The following MAP3K21 variants were observed in gnomAD, a reference collection of about 807,000 sequenced individuals.
MAP3K21 encodes the protein mitogen-activated protein kinase kinase kinase MLK4.
Under a neutral mutation model 86.1 loss-of-function variants are expected in MAP3K21, and 63 were observed. The observed-to-expected ratio is 0.73, with a 90% confidence interval of 0.60 to 0.90. The LOEUF is 0.90. Ranked by LOEUF, MAP3K21 falls within the 40% of genes least tolerant of loss-of-function variation. MAP3K21 has a pLI of 0.00. For missense variants in MAP3K21, 1,220 were observed against 1,367.7 expected (o/e 0.89, Z 1.70); for synonymous variants, 558 against 564.8 (o/e 0.99, Z 0.17).
Position 233,327,924 on chromosome 1 carries a change from C to T in MAP3K21, c.-105C>T. On this transcript the variant is annotated 5_prime_UTR_variant, in exon 1 of 10. Transcript: ENST00000366624. ...ACCGATCGCGATTCCTACCCCCTCG[C>T]CTTCCCCCGGCGCCGACGGCCACAC... 1 of 922,072 alleles carries T rather than the reference C, an allele frequency of 1.1e-6. No individual in the cohort carries two copies. The allele number at this position is 922,072 out of a possible 1,614,324, so 57.1% of individuals were successfully genotyped here.
chr1:233,355,234 A>G (rs575854893), intron 4 of MAP3K21, among the ~76,000 whole-genome samples: 1 of 120,306 alleles, frequency 8.3e-6, no homozygotes, highest in Non-Finnish European at 1.7e-5. Context: ...TTTTCAAAGT[A>G]AAAAAGAGAG....
intron 1 of MAP3K21, among the ~76,000 whole-genome samples, chr1:233,332,152 G>C (rs532201304): frequency 2.6e-4 from 39 of 152,210 alleles, no homozygotes; most frequent in African/African-American, 8.7e-4. Context: ...AGTCACTTCT[G>C]GGCCTCAGGG....
At chr1:233,372,182 G>A (rs367623481) in intron 6 of MAP3K21, 22 bp downstream of exon 6, 56 of 1,612,250 alleles carry the variant, frequency 3.5e-5, no homozygotes, top group South Asian at 4.4e-5. Context: ...GCACTGCCAC[G>A]GGGGCTCCTG....
intron 1 of MAP3K21, among the ~76,000 whole-genome samples, chr1:233,336,136 G>T (rs1662906993): frequency 6.6e-6 from 1 of 152,044 alleles, no homozygotes; most frequent in African/African-American, 2.4e-5. Flanking sequence ...CCTCATTTTT[G>T]GATATTCTGC....
Position 233,328,152 on chromosome 1 carries a change from C to G in MAP3K21, c.124C>G (p.Leu42Val). The G allele has an allele frequency of 6.9e-7, 1 of 1,450,936 alleles. No homozygotes were observed. Among genetic ancestry groups the G allele is most frequent in the South Asian group, 1.4e-5 (1 of 74,060 alleles). 89.9% of individuals were successfully genotyped at this position (1,450,936 alleles called of 1,614,324 possible). The change falls in exon 1 of 10, where the codon CTG becomes GTG. Residue 42 changes from leucine (L) to valine (V), a missense_variant. Coordinates refer to ENST00000366624, the MANE Select transcript of MAP3K21 (RefSeq NM_032435.3). This position sits in a 1 kb window ranked among gnomAD's most constrained non-coding sequence, Gnocchi z 8.7. ...CGGCTCGGCCTCGGCGGGCGCGGGGCTGTGGGCCGCGCTCTATGACTACGA... is the reference window on the plus strand; with the variant it reads ...CGGCTCGGCCTCGGCGGGCGCGGGGGTGTGGGCCGCGCTCTATGACTACGA... The part of the protein sequence containing the change: ...SGGSASAGAG[L>V]WAALYDYEAR...
At chr1:233,347,675 A>C (rs1663173597) in intron 2 of MAP3K21, among the ~76,000 whole-genome samples, 1 of 152,210 alleles carries the variant, frequency 6.6e-6, no homozygotes, top group African/African-American at 2.4e-5. Context: ...TAGGAGCTTA[A>C]CATTGGGTAC....
chr1:233,374,463 C>T (rs767271684), intron 6 of MAP3K21, among the ~76,000 whole-genome samples: 108 of 152,088 alleles, frequency 7.1e-4, no homozygotes, highest in African/African-American at 1.4e-3. Flanking sequence ...CGTGAGCCAT[C>T]GCACCCGGCC....
chr1:233,359,589 A>G (rs1008631636), intron 4 of MAP3K21, among the ~76,000 whole-genome samples: 3 of 152,066 alleles, frequency 2.0e-5, no homozygotes, highest in African/African-American at 7.2e-5. Flanking sequence ...CTCCGTAGAT[A>G]CTGGGTCCTC....
rs767923179 is a variant in MAP3K21, at chr1:233,372,120, G to A, written c.1635G>A (p.Pro545=). Residue 545 remains proline, a synonymous_variant, in exon 6 of 10, where the codon CCG becomes CCA. Coordinates refer to ENST00000366624, the MANE Select transcript of MAP3K21 (RefSeq NM_032435.3). ...RSLNSSSSSP[P]SSPTMMPRLR... ...TGAACAGCAGCAGTTCCAGTCCCCC[G>A]AGCAGCCCCACAATGATGCCCCGAC... The A allele has an allele frequency of 1.5e-5, 25 of 1,613,976 alleles. No individual in the cohort carries two copies. Among genetic ancestry groups the A allele is most frequent in the African/African-American group, 4.0e-5 (3 of 74,910 alleles).
chr1:233,352,744 T>C (rs1663273262), intron 2 of MAP3K21, among the ~76,000 whole-genome samples: 1 of 152,202 alleles, frequency 6.6e-6, no homozygotes, highest in Non-Finnish European at 1.5e-5. Flanking sequence ...TTGTGTCTTT[T>C]GACAAGACAG....
At chr1:233,337,491 A>G (rs1225962090) in intron 1 of MAP3K21, among the ~76,000 whole-genome samples, 1 of 152,220 alleles carries the variant, frequency 6.6e-6, no homozygotes, top group Non-Finnish European at 1.5e-5. Context: ...GAACTCATTG[A>G]TACCTAAACA....
chr1:233,379,310 C>G lies in MAP3K21; in HGVS notation c.2304C>G (p.Ser768=). 1 of 1,614,182 alleles carries G rather than the reference C, an allele frequency of 6.2e-7. No individual in the cohort carries two copies. The highest frequency in any genetic ancestry group is 8.5e-7 in the Non-Finnish European group (1 of 1,180,034). ...GAGAGGGAATCTTCCAGCGGGCTTC[C>G]AAGTCCCGCAGAAGCGCCAGTCCTC... ...KKREGIFQRA[S]KSRRSASPPT... Residue 768 remains serine, a synonymous_variant, in exon 9 of 10, where the codon TCC becomes TCG. Coordinates refer to ENST00000366624, the MANE Select transcript of MAP3K21 (RefSeq NM_032435.3).
chr1:233,358,669 T>G (rs1663411297), intron 4 of MAP3K21, among the ~76,000 whole-genome samples: 1 of 152,114 alleles, frequency 6.6e-6, no homozygotes, highest in Non-Finnish European at 1.5e-5. Flanking sequence ...GGCTTGCAGC[T>G]GTAGTCCCAG....
intron 2 of MAP3K21, among the ~76,000 whole-genome samples, chr1:233,346,917 T>G (rs1851291): frequency 6.6e-6 from 1 of 152,070 alleles, no homozygotes. Flanking sequence ...GCCAGTAAAT[T>G]AAAGTGAATT....
intron 1 of MAP3K21, among the ~76,000 whole-genome samples, chr1:233,338,580 T>C (rs1662960157): frequency 6.6e-6 from 1 of 152,198 alleles, no homozygotes; most frequent in Non-Finnish European, 1.5e-5. Flanking sequence ...TTCAGCAGTA[T>C]CTAAGTAAGT....
At chr1:233,380,763 T>A (rs1359047457) in intron 9 of MAP3K21, among the ~76,000 whole-genome samples, 1 of 152,226 alleles carries the variant, frequency 6.6e-6, no homozygotes, top group Non-Finnish European at 1.5e-5. Flanking sequence ...CTCTATTATA[T>A]GCAAGAGAAT....
At chr1:233,349,942 G>GAA (rs756071594) in intron 2 of MAP3K21, among the ~76,000 whole-genome samples, 46 of 138,322 alleles carry the variant, frequency 3.3e-4, no homozygotes, top group Admixed American at 1.7e-3. Flanking sequence ...TCTCAAAAAA[G>GAA]AAAAAAAAAA....
chr1:233,352,225 G>A (rs1437023552), intron 2 of MAP3K21, among the ~76,000 whole-genome samples: 1 of 152,108 alleles, frequency 6.6e-6, no homozygotes, highest in Non-Finnish European at 1.5e-5. Context: ...ACATATTTAT[G>A]GGGTACATAG....
intron 5 of MAP3K21, among the ~76,000 whole-genome samples, chr1:233,367,241 A>G (rs1307758369): frequency 6.6e-6 from 1 of 152,212 alleles, no homozygotes; most frequent in African/African-American, 2.4e-5. Context: ...AGAAGGGTGG[A>G]TGGGAGAGAG....
Sources: allele counts gnomAD v4.1 joint callset (sites outside exome capture counted in the v4.1 genomes callset), GRCh38; gene constraint gnomAD v4.1.1; non-coding constraint Gnocchi (gnomAD v3.1); transcripts MANE v1.5; gene names NCBI Gene and HGNC (gene_info 2026-07-23, HGNC 2026-07-21).